Variants in ZCCHC14 observed in about 807,000 individuals in gnomAD.
ZCCHC14 encodes zinc finger CCHC-type containing 14, also known as zinc finger CCHC domain-containing protein 14.
A neutral mutation model predicts 85.0 loss-of-function variants in ZCCHC14; 16 were observed. That is an observed-to-expected ratio of 0.19 (90% CI 0.13 to 0.29). ZCCHC14 has a LOEUF of 0.29. ZCCHC14 is among the 10% of genes least tolerant of loss of function. The probability of loss-of-function intolerance (pLI) is 1.00; values close to 1 mark genes in which losing one functional copy is unlikely to be tolerated. For missense variants in ZCCHC14, 1,303 were observed against 1,443.5 expected (o/e 0.90, Z 1.58); for synonymous variants, 775 against 630.7 (o/e 1.23, Z -3.43).
chr16:87,418,072 T>C (rs1169778871), intron 7 of ZCCHC14: 6 of 334,622 alleles, frequency 1.8e-5, no homozygotes, highest in African/African-American at 8.4e-5. Flanking sequence ...TGTACGTCTC[T>C]GTCCCCACCA....
intron 2 of ZCCHC14, among the ~76,000 whole-genome samples, chr16:87,433,673 TC>T (rs998430278): frequency 3.9e-5 from 6 of 152,036 alleles, no homozygotes; most frequent in African/African-American, 9.7e-5. Context: ...TCTTCTTTTT[TC>T]TTTTTTTTTT....
chr16:87,486,952 A>G (rs1281285855), intron 1 of ZCCHC14, among the ~76,000 whole-genome samples: 1 of 152,238 alleles, frequency 6.6e-6, no homozygotes, highest in Non-Finnish European at 1.5e-5. Flanking sequence ...CTTGGCTGCA[A>G]TAGGCCCAGA....
At chr16:87,445,860 A>G (rs747377022) in intron 2 of ZCCHC14, among the ~76,000 whole-genome samples, 8 of 151,446 alleles carry the variant, frequency 5.3e-5, no homozygotes, top group Non-Finnish European at 1.0e-4. Context: ...AGGGAAAACT[A>G]ATTTTTTAAT....
chr16:87,412,589 AC>A lies in ZCCHC14; in HGVS notation c.2131del (p.Val711SerfsTer33). Reference protein sequence around the residue: ...PASAPHQPVQVLSGLSESSSM... With the variant: ...PASAPHQPVQXLSGLSESSSM... ...GCTGCTCTCCGAAAGCCCAGAGAGGACCTGCACAGGCTGGTGGGGTGCGGAC... is the reference window on the plus strand; with the variant it reads ...GCTGCTCTCCGAAAGCCCAGAGAGGACTGCACAGGCTGGTGGGGTGCGGAC... On this transcript the variant is annotated frameshift_variant, in exon 12 of 13. Coordinates refer to ENST00000671377, the MANE Select transcript of ZCCHC14 (RefSeq NM_015144.3). LOFTEE classifies it high-confidence loss of function. 6.2e-7 allele frequency: 1 copy of A among 1,614,130 alleles called. No homozygotes were observed.
chr16:87,426,348 A>G (rs1296688506), intron 3 of ZCCHC14, among the ~76,000 whole-genome samples: 1 of 152,188 alleles, frequency 6.6e-6, no homozygotes, highest in Non-Finnish European at 1.5e-5. Context: ...CAGCTACCCC[A>G]TTACTTTACA....
intron 2 of ZCCHC14, among the ~76,000 whole-genome samples, chr16:87,437,155 G>A (rs1014965471): frequency 1.3e-5 from 2 of 151,808 alleles, no homozygotes; most frequent in Non-Finnish European, 2.9e-5. Flanking sequence ...TGACCAACAT[G>A]GAGAAACTCC....
At chr16:87,416,180 C>G (rs1466147125) in intron 8 of ZCCHC14, among the ~76,000 whole-genome samples, 1 of 151,998 alleles carries the variant, frequency 6.6e-6, no homozygotes, top group Non-Finnish European at 1.5e-5. Context: ...CCTGCCTCGG[C>G]CTCCCAAAGT....
intron 2 of ZCCHC14, among the ~76,000 whole-genome samples, chr16:87,437,197 G>A (rs1260978027): frequency 6.6e-6 from 1 of 151,870 alleles, no homozygotes; most frequent in Non-Finnish European, 1.5e-5. Flanking sequence ...TTAGCCGGGC[G>A]TGGTGGCTCA....
intron 1 of ZCCHC14, among the ~76,000 whole-genome samples, chr16:87,463,078 G>A (rs977024068): frequency 3.3e-5 from 5 of 151,420 alleles, no homozygotes; most frequent in Admixed American, 6.6e-5. Flanking sequence ...CAAAGAAAAA[G>A]AAAAAAAGAA....
chr16:87,423,305 CAGG>C, intron 4 of ZCCHC14, among the ~76,000 whole-genome samples: 1 of 152,128 alleles, frequency 6.6e-6, no homozygotes, highest in South Asian at 2.1e-4. Flanking sequence ...ACTTGAGCAC[CAGG>C]AGGTCAAGGC....
Position 87,408,800 on chromosome 16 carries a change from A to C in ZCCHC14, c.*1480T>G, listed in dbSNP as rs989890288. Reference sequence around the variant, plus strand: ...TTCTTCTGATTTACATCAATTTTTCATGAGGCTGATTGTCCCATTTTAAGA... The same window carrying C: ...TTCTTCTGATTTACATCAATTTTTCCTGAGGCTGATTGTCCCATTTTAAGA... On this transcript the variant is annotated 3_prime_UTR_variant, in exon 13 of 13. Transcript: ENST00000671377. The C allele has an allele frequency of 3.9e-5, 6 of 152,478 alleles. No homozygotes were observed. The highest frequency in any genetic ancestry group is 8.8e-5 in the Non-Finnish European group (6 of 68,036). 9.4% of individuals were successfully genotyped at this position (152,478 alleles called of 1,614,324 possible).
At chr16:87,414,753 C>A (rs12917803) in intron 9 of ZCCHC14, among the ~76,000 whole-genome samples, 4 of 152,252 alleles carry the variant, frequency 2.6e-5, no homozygotes, top group Non-Finnish European at 5.9e-5. Flanking sequence ...AAGGTCCTTT[C>A]CTGTCAAACC....
chr16:87,420,989 A>T lies in ZCCHC14; in HGVS notation c.841-273T>A, dbSNP rs190737800. Among the ~76,000 whole-genome samples the T allele has an allele frequency of 6.6e-6, 1 of 152,368 alleles. No individual in the cohort carries two copies. The highest frequency in any genetic ancestry group is 1.9e-4 in the East Asian group (1 of 5,188). On this transcript the variant is annotated intron_variant, in intron 4 of 12. Coordinates refer to ENST00000671377, the MANE Select transcript of ZCCHC14 (RefSeq NM_015144.3). The surrounding 1 kb of genome is among the most constrained non-coding windows in gnomAD (Gnocchi z 5.0). ...GAGCCCATCTGAGAGTTGCTGGGCC[A>T]CTAAGTCAACTTAATTTCAAACGGG...
chr16:87,460,194 T>C, intron 1 of ZCCHC14, 63 bp from the exon 2 acceptor site: 7 of 1,573,414 alleles, frequency 4.4e-6, no homozygotes, highest in Non-Finnish European at 6.1e-6. Flanking sequence ...GACAATTTTA[T>C]TTGTTAATTA....
chr16:87,492,097 G>A lies in ZCCHC14; in HGVS notation c.142C>T (p.Leu48=), dbSNP rs1460896834. Residue 48 remains leucine, a synonymous_variant, in exon 1 of 13, where the codon CTG becomes TTG. Transcript: ENST00000671377. The surrounding 1 kb of genome is among the most constrained non-coding windows in gnomAD (Gnocchi z 6.7). ...TAGTCCTTGCGGGCCAGGTCCTCCAGGCACGAGCCGAGGAAGCGAAGCTCG... is the reference window on the plus strand; with the variant it reads ...TAGTCCTTGCGGGCCAGGTCCTCCAAGCACGAGCCGAGGAAGCGAAGCTCG... The part of the protein sequence containing the change: ...PLELRFLGSC[L]EDLARKDYHS... The A allele has an allele frequency of 3.7e-5, 51 of 1,386,072 alleles. No individual in the cohort carries two copies. Among genetic ancestry groups the A allele is most frequent in the Non-Finnish European group, 4.6e-5 (49 of 1,076,638 alleles). The allele number at this position is 1,386,072 out of a possible 1,614,324, so 85.9% of individuals were successfully genotyped here.
At chr16:87,478,050 CCTCAT>C (rs1463345437) in intron 1 of ZCCHC14, among the ~76,000 whole-genome samples, 1 of 152,212 alleles carries the variant, frequency 6.6e-6, no homozygotes, top group Non-Finnish European at 1.5e-5. Flanking sequence ...CTGCTCCTCA[CCTCAT>C]ATCTTTATTA....
intron 1 of ZCCHC14, among the ~76,000 whole-genome samples, chr16:87,487,457 A>C (rs1912559322): frequency 6.6e-6 from 1 of 151,950 alleles, no homozygotes; most frequent in Non-Finnish European, 1.5e-5. Flanking sequence ...GACCAAATGC[A>C]CCAGCCCGGA....
chr16:87,425,803 G>A (rs537969236), intron 3 of ZCCHC14, among the ~76,000 whole-genome samples: 40 of 152,246 alleles, frequency 2.6e-4, no homozygotes, highest in African/African-American at 8.9e-4. Context: ...GGTAAAGCGT[G>A]TCATAGAAAA....
intron 7 of ZCCHC14, chr16:87,417,999 CAT>C (rs1254410001): frequency 5.9e-5 from 29 of 489,356 alleles, no homozygotes; most frequent in African/African-American, 5.7e-5. Flanking sequence ...TATACACACA[CAT>C]GCCTCTGCCC....
Sources: gnomAD v4.1 joint callset for allele counts (sites outside exome capture counted in the v4.1 genomes callset) on GRCh38, gnomAD v4.1.1 for gene constraint, Gnocchi (gnomAD v3.1) non-coding constraint, MANE v1.5 for transcripts, NCBI Gene and HGNC (gene_info 2026-07-23, HGNC 2026-07-21) for gene names.